NRG1: variants seen among roughly 807,000 people sequenced by gnomAD.
The protein encoded by NRG1 is pro-neuregulin-1, membrane-bound isoform.
In NRG1, 18 loss-of-function variants were observed where a neutral mutation model predicts 63.8. The observed-to-expected ratio is 0.28, with a 90% CI of 0.19 to 0.42. NRG1 has a LOEUF of 0.42. NRG1 is among the 10% of genes least tolerant of loss of function. The probability of loss-of-function intolerance (pLI) is 1.00; values close to 1 mark genes in which losing one functional copy is unlikely to be tolerated. For synonymous variants in NRG1, 302 were observed against 301.3 expected, an observed-to-expected ratio of 1.00 and a Z score of -0.02; for missense variants, 762 against 814.7, an observed-to-expected ratio of 0.94 and a Z score of 0.79.
At chr8:31,985,390 A>G (rs1809886885) in intron 1 of NRG1, among the ~76,000 whole-genome samples, 1 of 152,130 alleles carries the variant, frequency 6.6e-6, no homozygotes, top group East Asian at 1.9e-4. Context: ...GAAAGAAGCA[A>G]TAAGTTCTTT....
chr8:32,751,819 G>C (rs186673532), intron 7 of NRG1, among the ~76,000 whole-genome samples: 2 of 152,068 alleles, frequency 1.3e-5, no homozygotes, highest in South Asian at 4.1e-4. Context: ...GAATGCACCC[G>C]TCATCATGCA....
chr8:31,646,747 A>G (rs1804326450), intron 1 of NRG1, among the ~76,000 whole-genome samples: 1 of 152,234 alleles, frequency 6.6e-6, no homozygotes, highest in Non-Finnish European at 1.5e-5. Flanking sequence ...AGCTGGTTGG[A>G]TAGTGGAAAT....
Position 31,640,326 on chromosome 8 carries a change from T to C in NRG1, c.37+895T>C. ...GCGAGGCAGGGGCGTGGGGCGGCGA[T>C]CGCGAGCCGCCAGCCGCGGGCCCAC... On this transcript the variant is annotated intron_variant, in intron 1 of 10. Transcript: ENST00000519301. This position sits in a 1 kb window ranked among gnomAD's most constrained non-coding sequence, Gnocchi z 6.3. 8.5e-7 allele frequency: 1 copy of C among 1,170,832 alleles called. No homozygotes were observed. Among genetic ancestry groups the C allele is most frequent in the Non-Finnish European group, 1.1e-6 (1 of 950,132 alleles). The allele number at this position is 1,170,832 out of a possible 1,614,324, so 72.5% of individuals were successfully genotyped here.
chr8:31,830,436 T>C (rs1004055267), intron 1 of NRG1, among the ~76,000 whole-genome samples: 1 of 151,948 alleles, frequency 6.6e-6, no homozygotes, highest in Non-Finnish European at 1.5e-5. Context: ...TTTGAAAACA[T>C]TTTTTATTAG....
Position 32,260,792 on chromosome 8 carries a change from C to T in NRG1, c.38-335036C>T, listed in dbSNP as rs190616666. Among the ~76,000 whole-genome samples the T allele has an allele frequency of 1.1e-4, 17 of 152,262 alleles. No individual in the cohort carries two copies. In the East Asian group the frequency reaches 2.7e-3, roughly 24 times the overall value. ...ACTCAGGGTAGCAGTATATGGCCTT[C>T]GGCACCCACTGTGGGCTGGGCTATG... On this transcript the variant is annotated intron_variant, in intron 1 of 10. Coordinates refer to the NRG1 transcript ENST00000519301.
intron 1 of NRG1, among the ~76,000 whole-genome samples, chr8:31,754,392 CCT>C (rs1816766336): frequency 6.6e-6 from 1 of 151,946 alleles, no homozygotes; most frequent in African/African-American, 2.4e-5. Context: ...ATGCTTCGCC[CCT>C]CTCTCTCACT....
intron 1 of NRG1, among the ~76,000 whole-genome samples, chr8:31,906,092 A>G (rs1015426320): frequency 6.6e-6 from 1 of 152,178 alleles, no homozygotes; most frequent in African/African-American, 2.4e-5. Context: ...GAATCCAACA[A>G]CAGCTTCATG....
At chr8:32,609,558 CCTTCCTTCCTTCCTTCCT>C (rs1563760389) in intron 3 of NRG1, among the ~76,000 whole-genome samples, 982 of 46,170 alleles carry the variant, frequency 0.021, 36 homozygotes, top group African/African-American at 0.061. Flanking sequence ...CTCCCTCCTT[CCTTCCTTCCTTCCTTCCT>C]TCCTTCCTTC....
intron 1 of NRG1, among the ~76,000 whole-genome samples, chr8:31,722,325 A>C (rs1563328824): frequency 1.3e-5 from 2 of 151,932 alleles, no homozygotes; most frequent in Admixed American, 6.6e-5. Flanking sequence ...GCTCTTTGAC[A>C]CTGGGCATCA....
chr8:32,192,390 A>G lies in NRG1; in HGVS notation c.38-403438A>G, dbSNP rs1363759275. On this transcript the variant is annotated intron_variant, in intron 1 of 10. Coordinates refer to the NRG1 transcript ENST00000519301. ...GGTATACATATGATACGTATACACC[A>G]TGTAATACTACGCAGCCATACAAAA... Among the ~76,000 whole-genome samples, 4 of 152,318 alleles carry G rather than the reference A, an allele frequency of 2.6e-5. No homozygotes were observed. The East Asian group carries it at 7.7e-4, about 29-fold the overall frequency.
At chr8:32,627,748 CAGTAA>C (rs150787774) in intron 5 of NRG1, among the ~76,000 whole-genome samples, 4,719 of 152,074 alleles carry the variant, frequency 0.031, 143 homozygotes, top group African/African-American at 0.081. Context: ...TCAAGGAATC[CAGTAA>C]AGTAAATTAA....
chr8:32,681,437 T>TC (rs1405681340), intron 5 of NRG1, among the ~76,000 whole-genome samples: 5 of 152,232 alleles, frequency 3.3e-5, no homozygotes, highest in Middle Eastern at 3.4e-3. Context: ...ACTGTGCCCT[T>TC]CTCCTTCTTC....
intron 1 of NRG1, among the ~76,000 whole-genome samples, chr8:32,315,797 G>C (rs10088025): frequency 0.026 from 3,932 of 152,298 alleles, 181 homozygotes; most frequent in African/African-American, 0.089. Flanking sequence ...CCAGCAGACT[G>C]GCAGGGACCT....
chr8:32,186,465 A>G (rs543391041), intron 1 of NRG1, among the ~76,000 whole-genome samples: 22 of 151,706 alleles, frequency 1.5e-4, no homozygotes, highest in African/African-American at 5.3e-4. Context: ...CGTCTCAAAA[A>G]AAAAAAAAAA....
chr8:31,896,210 T>C (rs939996621), intron 1 of NRG1, among the ~76,000 whole-genome samples: 6 of 152,218 alleles, frequency 3.9e-5, no homozygotes, highest in Non-Finnish European at 8.8e-5. Context: ...CTAAACACAT[T>C]GTTAATGGTT....
At chr8:32,627,748 C>T (rs1849556092) in intron 5 of NRG1, among the ~76,000 whole-genome samples, 1 of 151,972 alleles carries the variant, frequency 6.6e-6, no homozygotes, top group Admixed American at 6.6e-5. Context: ...TCAAGGAATC[C>T]AGTAAAGTAA....
chr8:32,122,010 A>T (rs1563811127), intron 1 of NRG1, among the ~76,000 whole-genome samples: 1 of 151,964 alleles, frequency 6.6e-6, no homozygotes, highest in Non-Finnish European at 1.5e-5. Flanking sequence ...AGTATATTTT[A>T]TTGATTTGTC....
chr8:32,608,815 C>T (rs1845795548), intron 3 of NRG1, among the ~76,000 whole-genome samples: 1 of 152,174 alleles, frequency 6.6e-6, no homozygotes, highest in Admixed American at 6.5e-5. Flanking sequence ...TAATTCCAAA[C>T]TTTGACCTGT....
chr8:32,461,661 C>T (rs774340052), intron 1 of NRG1, among the ~76,000 whole-genome samples: 27 of 152,084 alleles, frequency 1.8e-4, no homozygotes, highest in Admixed American at 9.2e-4. Context: ...CGTTGCACTC[C>T]AGCCTGGGCG....
Sources: gnomAD v4.1 joint callset for allele counts (sites outside exome capture counted in the v4.1 genomes callset) on GRCh38, gnomAD v4.1.1 for gene constraint, Gnocchi (gnomAD v3.1) non-coding constraint, MANE v1.5 for transcripts, NCBI Gene and HGNC (gene_info 2026-07-23, HGNC 2026-07-21) for gene names.